Variants in EPB41L3 observed in about 807,000 individuals in gnomAD.
EPB41L3 encodes erythrocyte membrane protein band 4.1 like 3.
EPB41L3 carries 57 observed loss-of-function variants against 127.1 expected under a neutral mutation model. The ratio of observed to expected loss-of-function variants is 0.45; its 90% CI spans 0.36 to 0.56. EPB41L3 has a LOEUF of 0.56. Ranked by LOEUF, EPB41L3 falls within the 20% of genes least tolerant of loss-of-function variation. The probability of loss-of-function intolerance (pLI) is 0.00; values close to 1 mark genes in which losing one functional copy is unlikely to be tolerated. For synonymous variants in EPB41L3, 572 were observed against 549.5 expected (o/e 1.04, Z -0.57); for missense variants, 1,273 against 1,372.2 (o/e 0.93, Z 1.14).
intron 3 of EPB41L3, among the ~76,000 whole-genome samples, chr18:5,457,783 C>T (rs536810864): frequency 6.6e-6 from 1 of 152,198 alleles, no homozygotes; most frequent in South Asian, 2.1e-4. Flanking sequence ...CTCCACGCCC[C>T]GAAGCCTTCT....
At chr18:5,398,571 G>T (rs946773290) in intron 16 of EPB41L3, 5 of 403,066 alleles carry the variant, frequency 1.2e-5, no homozygotes, top group Non-Finnish European at 2.2e-5. Context: ...AAACGGAAAG[G>T]TTTGGGGTGG....
chr18:5,524,252 G>A (rs532380868), intron 1 of EPB41L3, among the ~76,000 whole-genome samples: 35 of 151,984 alleles, frequency 2.3e-4, no homozygotes, highest in African/African-American at 7.5e-4. Flanking sequence ...GGAGTGCAGC[G>A]GCGCAATCTC....
chr18:5,511,553 A>G (rs553962251), intron 1 of EPB41L3, among the ~76,000 whole-genome samples: 3 of 152,096 alleles, frequency 2.0e-5, no homozygotes, highest in African/African-American at 7.2e-5. Context: ...TTGAATCCAT[A>G]TTTCACAATA....
At chr18:5,492,582 G>C (rs1693607470) in intron 1 of EPB41L3, among the ~76,000 whole-genome samples, 1 of 152,074 alleles carries the variant, frequency 6.6e-6, no homozygotes, top group African/African-American at 2.4e-5. Flanking sequence ...CTTCTGATAG[G>C]TTCACTTTGC....
intron 1 of EPB41L3, among the ~76,000 whole-genome samples, chr18:5,500,027 CAT>C (rs2091595989): frequency 6.6e-6 from 1 of 152,018 alleles, no homozygotes; most frequent in Non-Finnish European, 1.5e-5. Flanking sequence ...CTCAATAACT[CAT>C]AACTTTCCAC....
At chr18:5,426,784 T>G (rs1457523910) in intron 9 of EPB41L3, among the ~76,000 whole-genome samples, 1 of 152,224 alleles carries the variant, frequency 6.6e-6, no homozygotes, top group Non-Finnish European at 1.5e-5. Context: ...TGTCTTTAGA[T>G]TTCTAATGTC....
At position 5,443,916 on chromosome 18, in the gene EPB41L3, G is replaced by A. The variant is rs189442271; in HGVS notation, c.487-36C>T. On this transcript the variant is annotated intron_variant, in intron 4 of 22. Transcript: ENST00000341928. ...AATGACATTTTGAATTTGAATCAGAGGAGAATAAAAATGACTTAATGTTGA... is the reference window on the plus strand; with the variant it reads ...AATGACATTTTGAATTTGAATCAGAAGAGAATAAAAATGACTTAATGTTGA... 15 of 1,571,152 alleles carry A rather than the reference G, an allele frequency of 9.5e-6. 1 individual carries two copies. In the African/African-American group the frequency reaches 1.8e-4, roughly 19 times the overall value.
At chr18:5,485,496 C>A (rs1001358132) in intron 2 of EPB41L3, among the ~76,000 whole-genome samples, 1 of 151,722 alleles carries the variant, frequency 6.6e-6, no homozygotes, top group African/African-American at 2.4e-5. Context: ...CTGGCTGGCA[C>A]AATTGGGCAA....
chr18:5,542,791 C>T (rs1298324080), intron 1 of EPB41L3, among the ~76,000 whole-genome samples: 1 of 152,176 alleles, frequency 6.6e-6, no homozygotes, highest in Admixed American at 6.5e-5. Flanking sequence ...TGCAAGGGAC[C>T]ACAGTTACAA....
intron 1 of EPB41L3, among the ~76,000 whole-genome samples, chr18:5,490,906 T>G (rs554394795): frequency 6.6e-6 from 1 of 152,180 alleles, no homozygotes; most frequent in South Asian, 2.1e-4. Context: ...AGCCAAGCAC[T>G]GCTTGTGGTT....
intron 1 of EPB41L3, among the ~76,000 whole-genome samples, chr18:5,542,875 T>C (rs2093773582): frequency 6.6e-6 from 1 of 152,098 alleles, no homozygotes; most frequent in Non-Finnish European, 1.5e-5. Context: ...GGGGAAGAAG[T>C]CCGGCGAGAT....
chr18:5,493,677 T>C (rs916552624), intron 1 of EPB41L3, among the ~76,000 whole-genome samples: 3 of 152,132 alleles, frequency 2.0e-5, no homozygotes, highest in Non-Finnish European at 4.4e-5. Context: ...CTCCCTCTAG[T>C]AGGGCCCTAC....
chr18:5,524,620 GA>G lies in EPB41L3; in HGVS notation c.-12+19292del, dbSNP rs199970629. Among the ~76,000 whole-genome samples the G allele has an allele frequency of 6.9e-3, 1,049 of 151,418 alleles. 15 individuals carry two copies. Among genetic ancestry groups the G allele is most frequent in the African/African-American group, 0.025 (1,013 of 41,076 alleles). On this transcript the variant is annotated intron_variant, in intron 1 of 22. Coordinates refer to ENST00000341928, the MANE Select transcript of EPB41L3 (RefSeq NM_012307.5). ...TAAGGCTGTGCCAGAGATCTCAAGG[GA>G]TTCCACTTCGCTAAAACGTAATTCA...
intron 1 of EPB41L3, among the ~76,000 whole-genome samples, chr18:5,524,461 C>T (rs2093142949): frequency 6.6e-6 from 1 of 152,198 alleles, no homozygotes. Context: ...TCCCAAAGTG[C>T]TGGGATTACA....
intron 3 of EPB41L3, among the ~76,000 whole-genome samples, chr18:5,576,610 A>G (rs1368066475): frequency 6.6e-6 from 1 of 152,226 alleles, no homozygotes; most frequent in African/African-American, 2.4e-5. Flanking sequence ...AAGGATCAAC[A>G]GAAGACAGGC....
chr18:5,487,649 A>T (rs1333036341), intron 2 of EPB41L3, among the ~76,000 whole-genome samples: 4 of 151,484 alleles, frequency 2.6e-5, no homozygotes, highest in Non-Finnish European at 4.4e-5. Flanking sequence ...GCACCACCAC[A>T]CTCAGCTAAT....
Position 5,541,252 on chromosome 18 carries a change from CAAAAAAAAAA to C in EPB41L3, c.-12+2651_-12+2660del, listed in dbSNP as rs370717420. Among the ~76,000 whole-genome samples the C allele has an allele frequency of 1.9e-3, 91 of 46,776 alleles. 1 individual carries two copies. The East Asian group carries it at 0.037, about 19-fold the overall frequency. 30.7% of individuals were successfully genotyped at this position (46,776 alleles called of 152,430 possible). A position where few individuals can be genotyped will look rare whatever the true frequency, so the allele number is the denominator to read the frequency against. On this transcript the variant is annotated intron_variant, in intron 1 of 22. Transcript: ENST00000341928. ...TGGGTGACACAGAAGGACTCCATCT[CAAAAAAAAAA>C]AAAAAAAAAAAAAAAGTCTCTCTCT...
intron 1 of EPB41L3, among the ~76,000 whole-genome samples, chr18:5,503,498 T>A (rs1207909685): frequency 2.6e-5 from 4 of 152,304 alleles, no homozygotes; most frequent in South Asian, 2.1e-4. Context: ...AGGTCATTTT[T>A]AAAAGCTACT....
chr18:5,630,342 C>T (rs753915758), upstream of EPB41L3: 14 of 517,162 alleles, frequency 2.7e-5, no homozygotes, highest in Admixed American at 2.7e-4. Flanking sequence ...CGCTCCCGGC[C>T]TACGCCCGGC....
Sources: gnomAD v4.1 joint callset for allele counts (sites outside exome capture counted in the v4.1 genomes callset) on GRCh38, gnomAD v4.1.1 for gene constraint, MANE v1.5 for transcripts, NCBI Gene and HGNC (gene_info 2026-07-23, HGNC 2026-07-21) for gene names.